The following CD2AP variants were observed in gnomAD, a reference collection of about 807,000 sequenced individuals.
CD2AP encodes the protein CD2-associated protein.
CD2AP carries 46 observed loss-of-function variants against 85.1 expected under a neutral mutation model. That is an observed-to-expected ratio of 0.54 (90% CI 0.43 to 0.69). The LOEUF (loss-of-function observed/expected upper bound fraction) is 0.69, where lower values mean the gene tolerates loss of function less well. CD2AP is among the 30% of genes least tolerant of loss of function. The probability of loss-of-function intolerance (pLI) is 0.00; values close to 1 mark genes in which losing one functional copy is unlikely to be tolerated. For synonymous variants in CD2AP, 255 were observed against 252.9 expected, an observed-to-expected ratio of 1.01 and a Z score of -0.08; for missense variants, 769 against 729.5, an observed-to-expected ratio of 1.05 and a Z score of -0.62.
At chr6:47,561,844 G>T (rs1424831864) in intron 5 of CD2AP, among the ~76,000 whole-genome samples, 1 of 152,072 alleles carries the variant, frequency 6.6e-6, no homozygotes, top group East Asian at 1.9e-4. Context: ...GCAGTGGCGC[G>T]ATCTTGGCTC....
intron 16 of CD2AP, among the ~76,000 whole-genome samples, chr6:47,611,911 A>G (rs1020262691): frequency 2.0e-5 from 3 of 152,262 alleles, no homozygotes; most frequent in Admixed American, 6.5e-5. Flanking sequence ...ACTTAAAGCT[A>G]TAGAAAAAAG....
At chr6:47,611,284 C>A (rs533976187) in intron 16 of CD2AP, among the ~76,000 whole-genome samples, 1 of 150,938 alleles carries the variant, frequency 6.6e-6, no homozygotes, top group Non-Finnish European at 1.5e-5. Context: ...GCATACCAAA[C>A]CAGAAAATAT....
At chr6:47,570,829 C>A (rs931773471) in intron 5 of CD2AP, among the ~76,000 whole-genome samples, 1 of 152,192 alleles carries the variant, frequency 6.6e-6, no homozygotes, top group African/African-American at 2.4e-5. Flanking sequence ...TATACTTTAC[C>A]GCTATACCAT....
At chr6:47,593,374 TAAC>T (rs903680444) in intron 11 of CD2AP, among the ~76,000 whole-genome samples, 2 of 152,088 alleles carry the variant, frequency 1.3e-5, no homozygotes, top group African/African-American at 4.8e-5. Context: ...TGTTACAACT[TAAC>T]AACAAAAAGA....
chr6:47,515,943 GAAA>G (rs1562011769), intron 2 of CD2AP, among the ~76,000 whole-genome samples: 2 of 152,004 alleles, frequency 1.3e-5, no homozygotes, highest in Non-Finnish European at 1.5e-5. Flanking sequence ...AAATATGTGG[GAAA>G]AAAAGTAAAA....
At chr6:47,537,498 A>C (rs1767082977) in intron 3 of CD2AP, among the ~76,000 whole-genome samples, 1 of 152,160 alleles carries the variant, frequency 6.6e-6, no homozygotes, top group African/African-American at 2.4e-5. Flanking sequence ...TTGAAGGAAT[A>C]ATTGTGCAGT....
intron 11 of CD2AP, among the ~76,000 whole-genome samples, chr6:47,592,698 C>T (rs1768835308): frequency 6.6e-6 from 1 of 152,122 alleles, no homozygotes; most frequent in Admixed American, 6.6e-5. Context: ...TCATTAAAAA[C>T]CCTAAACAAC....
intron 13 of CD2AP, among the ~76,000 whole-genome samples, chr6:47,600,213 A>G (rs1769093220): frequency 6.6e-6 from 1 of 151,898 alleles, no homozygotes; most frequent in Admixed American, 6.6e-5. Context: ...TGGTGTCTAA[A>G]CAAAGTAAGC....
intron 6 of CD2AP, among the ~76,000 whole-genome samples, chr6:47,574,690 A>G (rs1768254813): frequency 6.6e-6 from 1 of 151,722 alleles, no homozygotes; most frequent in South Asian, 2.1e-4. Flanking sequence ...GCACTACTTA[A>G]ATTTCCTCTA....
rs1230208944 is a variant in CD2AP, at chr6:47,503,380, A to G, written c.105A>G (p.Glu35=). The change falls in exon 2 of 18, where the codon GAA becomes GAG. Residue 35 remains glutamate (E), a synonymous_variant. Transcript: ENST00000359314. ...GGAATGTGAAAAAGCTACAGGAGGAAGGGTGGCTGGAAGGAGAACTAAATG... is the reference window on the plus strand; with the variant it reads ...GGAATGTGAAAAAGCTACAGGAGGAGGGGTGGCTGGAAGGAGAACTAAATG... The part of the protein sequence containing the change: ...IIRNVKKLQE[E]GWLEGELNGR... The G allele has an allele frequency of 2.5e-6, 4 of 1,613,910 alleles. No homozygotes were observed. Among genetic ancestry groups the G allele is most frequent in the Non-Finnish European group, 3.4e-6 (4 of 1,179,846 alleles).
At chr6:47,594,589 G>A (rs184579164) in intron 11 of CD2AP, among the ~76,000 whole-genome samples, 1 of 151,922 alleles carries the variant, frequency 6.6e-6, no homozygotes, top group African/African-American at 2.4e-5. Context: ...ATTTAAGTTT[G>A]GCTGGTTGTT....
At chr6:47,559,952 T>G (rs1767806988) in intron 5 of CD2AP, among the ~76,000 whole-genome samples, 1 of 152,100 alleles carries the variant, frequency 6.6e-6, no homozygotes, top group South Asian at 2.1e-4. Flanking sequence ...ACATATTATT[T>G]TATATATTTA....
At chr6:47,610,971 A>ATATATATTT in intron 16 of CD2AP, among the ~76,000 whole-genome samples, 4 of 112,908 alleles carry the variant, frequency 3.5e-5, no homozygotes, top group African/African-American at 1.1e-4. Flanking sequence ...ATATATATGT[A>ATATATATTT]TTTTTTTTTT....
chr6:47,505,198 TG>T (rs1286006798), intron 2 of CD2AP, among the ~76,000 whole-genome samples: 1 of 145,258 alleles, frequency 6.9e-6, no homozygotes, highest in Non-Finnish European at 1.5e-5. Flanking sequence ...TTTGTGTCCC[TG>T]ATTACTTGAG....
At chr6:47,596,067 C>G (rs1344957260) in intron 12 of CD2AP, 41 bp downstream of exon 12, 2 of 1,418,646 alleles carry the variant, frequency 1.4e-6, no homozygotes, top group African/African-American at 2.8e-5. Flanking sequence ...CTGATTTACT[C>G]ACCTTTGACC....
intron 2 of CD2AP, among the ~76,000 whole-genome samples, chr6:47,523,481 A>G (rs1217508856): frequency 6.6e-6 from 1 of 152,156 alleles, no homozygotes; most frequent in Non-Finnish European, 1.5e-5. Flanking sequence ...TAAGCAAGAA[A>G]TAAATCTTCA....
At chr6:47,559,277 A>G (rs944990837) in intron 5 of CD2AP, among the ~76,000 whole-genome samples, 45 of 146,654 alleles carry the variant, frequency 3.1e-4, no homozygotes, top group Non-Finnish European at 1.8e-4. Context: ...TTTTTTTTTA[A>G]CAGGCAGGGT....
At chr6:47,564,861 G>T (rs1218165774) in intron 5 of CD2AP, among the ~76,000 whole-genome samples, 1 of 151,572 alleles carries the variant, frequency 6.6e-6, no homozygotes, top group Non-Finnish European at 1.5e-5. Flanking sequence ...TTATATAAGT[G>T]TTTTCTTTTT....
chr6:47,526,525 A>G (rs530507781), intron 2 of CD2AP, among the ~76,000 whole-genome samples: 1 of 152,118 alleles, frequency 6.6e-6, no homozygotes, highest in Non-Finnish European at 1.5e-5. Context: ...ATTATATCTA[A>G]TATTCTTAGA....
Sources: allele counts gnomAD v4.1 joint callset (sites outside exome capture counted in the v4.1 genomes callset), GRCh38; gene constraint gnomAD v4.1.1; transcripts MANE v1.5; gene names NCBI Gene and HGNC (gene_info 2026-07-23, HGNC 2026-07-21).